The following ANK3 variants were observed in gnomAD, a reference collection of about 807,000 sequenced individuals.
ANK3 encodes ankyrin 3, also known as ankyrin-3.
In ANK3, 57 loss-of-function variants were observed where a neutral mutation model predicts 370.9. The observed-to-expected ratio is 0.15, with a 90% CI of 0.12 to 0.19. The LOEUF (loss-of-function observed/expected upper bound fraction) is 0.19, where lower values mean the gene tolerates loss of function less well. Ranked by LOEUF, ANK3 falls within the 10% of genes least tolerant of loss-of-function variation. The pLI is 1.00. For missense variants in ANK3, 4,439 were observed against 5,302.1 expected, an observed-to-expected ratio of 0.84 and a Z score of 5.06; for synonymous variants, 1,929 against 1,946.3, an observed-to-expected ratio of 0.99 and a Z score of 0.23.
At chr10:60,339,935 A>C (rs1031581006) in intron 1 of ANK3, among the ~76,000 whole-genome samples, 6 of 152,224 alleles carry the variant, frequency 3.9e-5, no homozygotes, top group Non-Finnish European at 8.8e-5. Context: ...TGATGATTAC[A>C]TGTATCTATG....
At chr10:60,661,117 G>T (rs2078930565) in intron 1 of ANK3, among the ~76,000 whole-genome samples, 1 of 150,370 alleles carries the variant, frequency 6.7e-6, no homozygotes, top group Non-Finnish European at 1.5e-5. Flanking sequence ...AGAGGAAGAA[G>T]TAATGGGGCT....
At chr10:60,499,380 A>T (rs1293192059) in intron 2 of ANK3, among the ~76,000 whole-genome samples, 1 of 152,230 alleles carries the variant, frequency 6.6e-6, no homozygotes, top group Non-Finnish European at 1.5e-5. Flanking sequence ...TATAGTGCTC[A>T]TTATTCTTAT....
chr10:60,440,325 A>G (rs769891505), intron 2 of ANK3, among the ~76,000 whole-genome samples: 1 of 152,142 alleles, frequency 6.6e-6, no homozygotes, highest in Non-Finnish European at 1.5e-5. Context: ...GAAAATAGGT[A>G]TACTTGACTC....
intron 16 of ANK3, among the ~76,000 whole-genome samples, chr10:60,187,224 C>T (rs1468574274): frequency 1.3e-5 from 2 of 151,688 alleles, no homozygotes; most frequent in East Asian, 1.9e-4. Flanking sequence ...GGCTGGATCT[C>T]GGCTCACTGC....
chr10:60,144,601 T>A (rs1399591849), intron 23 of ANK3, among the ~76,000 whole-genome samples: 1 of 152,112 alleles, frequency 6.6e-6, no homozygotes, highest in Non-Finnish European at 1.5e-5. Context: ...CTCTTCCTAG[T>A]CCTCCCTACA....
chr10:60,498,939 C>A (rs140050924), intron 2 of ANK3, among the ~76,000 whole-genome samples: 25 of 152,334 alleles, frequency 1.6e-4, no homozygotes, highest in African/African-American at 5.8e-4. Flanking sequence ...TGATTTCAAT[C>A]TATACTTGTC....
At chr10:60,395,042 T>C (rs2063188143) in intron 2 of ANK3, among the ~76,000 whole-genome samples, 1 of 152,210 alleles carries the variant, frequency 6.6e-6, no homozygotes, top group Non-Finnish European at 1.5e-5. Flanking sequence ...AATATTTAGT[T>C]TTATTTAAAA....
chr10:60,494,441 T>C (rs1479316678), intron 2 of ANK3, among the ~76,000 whole-genome samples: 2 of 152,200 alleles, frequency 1.3e-5, no homozygotes, highest in African/African-American at 2.4e-5. Flanking sequence ...TATAGTTCTA[T>C]GTATCTCAAT....
At chr10:60,470,617 C>G (rs1459111229) in intron 2 of ANK3, among the ~76,000 whole-genome samples, 1 of 152,050 alleles carries the variant, frequency 6.6e-6, no homozygotes, top group Non-Finnish European at 1.5e-5. Flanking sequence ...CGTGGCTGGT[C>G]AGTGATAGGC....
intron 2 of ANK3, among the ~76,000 whole-genome samples, chr10:60,596,132 C>A (rs1463722070): frequency 6.6e-6 from 1 of 152,116 alleles, no homozygotes; most frequent in Non-Finnish European, 1.5e-5. Context: ...TTTTACCCGA[C>A]ATGAATAAGA....
At chr10:60,694,818 A>G (rs531802489) in intron 1 of ANK3, among the ~76,000 whole-genome samples, 37 of 151,154 alleles carry the variant, frequency 2.4e-4, no homozygotes, top group Non-Finnish European at 7.4e-5. Flanking sequence ...GACCATCGAG[A>G]CTAGGAAGAA....
At chr10:60,706,380 C>T (rs910387339) in intron 1 of ANK3, among the ~76,000 whole-genome samples, 9 of 152,238 alleles carry the variant, frequency 5.9e-5, no homozygotes, top group African/African-American at 9.6e-5. Flanking sequence ...CCCTCCCAGC[C>T]GGAGAGATGT....
At chr10:60,715,038 T>C (rs1225304961) in intron 1 of ANK3, among the ~76,000 whole-genome samples, 2 of 152,140 alleles carry the variant, frequency 1.3e-5, no homozygotes, top group Middle Eastern at 3.2e-3. Flanking sequence ...ATGTATCACT[T>C]TACCCAAGGT....
At chr10:60,098,465 C>A (rs929409289) in intron 28 of ANK3, among the ~76,000 whole-genome samples, 1 of 151,868 alleles carries the variant, frequency 6.6e-6, no homozygotes, top group African/African-American at 2.4e-5. Context: ...ATATGTAGAA[C>A]AACATAGCAT....
intron 2 of ANK3, among the ~76,000 whole-genome samples, chr10:60,417,604 A>G (rs2063695183): frequency 6.6e-6 from 1 of 152,234 alleles, no homozygotes; most frequent in African/African-American, 2.4e-5. Context: ...CCACCTATGA[A>G]GTTAGCAACC....
chr10:60,165,110 T>G (rs555051351), intron 23 of ANK3, among the ~76,000 whole-genome samples: 34 of 152,318 alleles, frequency 2.2e-4, no homozygotes, highest in African/African-American at 7.7e-4. Context: ...TCAATGGGGA[T>G]AATTTTAGAT....
intron 24 of ANK3, among the ~76,000 whole-genome samples, chr10:60,136,687 G>A (rs968926713): frequency 6.6e-6 from 1 of 152,088 alleles, no homozygotes; most frequent in African/African-American, 2.4e-5. Flanking sequence ...GCTATCAACC[G>A]AAAGGCCTAA....
chr10:60,422,093 C>T (rs1222144947), intron 2 of ANK3, among the ~76,000 whole-genome samples: 1 of 152,062 alleles, frequency 6.6e-6, no homozygotes, highest in Non-Finnish European at 1.5e-5. Flanking sequence ...AGTCTATTTG[C>T]AGACTCCGAT....
rs769553086 is a variant in ANK3, at chr10:60,070,266, C to A, written c.10615G>T (p.Gly3539Cys). Residue 3539 changes from glycine (G) to cysteine (C), a missense_variant, in exon 37 of 44, where the codon GGT (glycine) becomes TGT (cysteine). By Grantham distance (159) the Gly-to-Cys change is radical. This residue lies in a region of ANK3 where 1,601 missense variants were observed against 1,731.7 expected (regional missense o/e 0.92). Transcript: ENST00000280772. The surrounding 1 kb of genome is among the most constrained non-coding windows in gnomAD (Gnocchi z 5.7). ...ATPFKTVATK[G>C]LDFDPWSNNR... ...TTAGACCAAGGGTCAAAATCTAGAC[C>A]TTTGGTAGCTACTGTTTTAAAAGGA... 1 of 1,614,060 alleles carries A rather than the reference C, an allele frequency of 6.2e-7. No individual in the cohort carries two copies. Among genetic ancestry groups the A allele is most frequent in the Non-Finnish European group, 8.5e-7 (1 of 1,180,002 alleles).
Sources: gnomAD v4.1 joint callset for allele counts (sites outside exome capture counted in the v4.1 genomes callset) on GRCh38, gnomAD v4.1.1 for gene constraint, gnomAD v4.1.1 regional missense constraint, Gnocchi (gnomAD v3.1) non-coding constraint, MANE v1.5 for transcripts, NCBI Gene and HGNC (gene_info 2026-07-23, HGNC 2026-07-21) for gene names.